The following CSPP1 variants were observed in gnomAD, a reference collection of about 807,000 sequenced individuals.
CSPP1 encodes centrosome and spindle pole associated protein 1.
In CSPP1, 126 loss-of-function variants were observed where a neutral mutation model predicts 164.4. The observed-to-expected ratio is 0.77, with a 90% CI of 0.66 to 0.89. The LOEUF (loss-of-function observed/expected upper bound fraction) is 0.89, where lower values mean the gene tolerates loss of function less well. Among genes scored for constraint, CSPP1 ranks in the 40% least tolerant of loss-of-function variants. The probability of loss-of-function intolerance (pLI) is 0.00; values close to 1 mark genes in which losing one functional copy is unlikely to be tolerated. For synonymous variants in CSPP1, 472 were observed against 476.7 expected, an observed-to-expected ratio of 0.99 and a Z score of 0.13; for missense variants, 1,395 against 1,449.8, an observed-to-expected ratio of 0.96 and a Z score of 0.61.
chr8:67,126,460 A>G (rs1820085310), intron 15 of CSPP1, among the ~76,000 whole-genome samples: 1 of 152,196 alleles, frequency 6.6e-6, no homozygotes, highest in Non-Finnish European at 1.5e-5. Context: ...AGTCTCTGTT[A>G]GGATAGCTTA....
rs370569030 is a variant in CSPP1, at chr8:67,064,399, A to G, written c.-150A>G. 2.5e-6 allele frequency: 4 copies of G among 1,613,278 alleles called. No individual in the cohort carries two copies. The highest frequency in any genetic ancestry group is 1.3e-5 in the African/African-American group (1 of 74,912). ...CGGAGCCCCGGCCCGGAGGTCTGTC[A>G]TGCTGTTCCCGCTCCAGGTGGCCGC... On this transcript the variant is annotated 5_prime_UTR_variant, in exon 1 of 31. It removes an upstream start codon present in the reference 5' UTR. Transcript: ENST00000678616.
Position 67,161,865 on chromosome 8 carries a change from A to C in CSPP1, c.2593A>C (p.Lys865Gln), listed in dbSNP as rs763987767. The change falls in exon 22 of 31, where the codon AAA becomes CAA. Residue 865 changes from lysine (K) to glutamine (Q), a missense_variant. By Grantham distance (53) the Lys-to-Gln change is moderately conservative. Coordinates refer to ENST00000678616, the MANE Select transcript of CSPP1 (RefSeq NM_001382391.1). ...VPALQNKIAS[K>Q]LQRPPSVDSI... ...TGCTCTTCAGAACAAAATTGCAAGC[A>C]AACTCCAAAGACCTCCTTCAGTTGA... The C allele has an allele frequency of 6.2e-7, 1 of 1,613,854 alleles. No individual in the cohort carries two copies. The highest frequency in any genetic ancestry group is 1.3e-5 in the African/African-American group (1 of 75,048).
At chr8:67,104,114 T>C (rs1410355575) in intron 8 of CSPP1, among the ~76,000 whole-genome samples, 3 of 152,154 alleles carry the variant, frequency 2.0e-5, no homozygotes, top group Non-Finnish European at 2.9e-5. Flanking sequence ...GTGAAGATAA[T>C]GTCATATGTC....
intron 9 of CSPP1, among the ~76,000 whole-genome samples, chr8:67,109,728 C>G (rs1006135877): frequency 6.6e-6 from 1 of 151,804 alleles, no homozygotes; most frequent in Non-Finnish European, 1.5e-5. Flanking sequence ...GTCCCATATC[C>G]GAGAAAATTA....
chr8:67,095,579 A>C lies in CSPP1; in HGVS notation c.770A>C (p.Asp257Ala). Reference protein sequence around the residue: ...QRFASKAGIPDRRFHRFNEDR... With the variant: ...QRFASKAGIPARRFHRFNEDR... ...TTTGCAAGCAAGGCTGGCATTCCAG[A>C]TAGAAGATTTCACAGATTTAATGAG... The change falls in exon 7 of 31, where the codon GAT becomes GCT. Residue 257 changes from aspartate (D) to alanine (A), a missense_variant. Physicochemically the swap from Asp to Ala is moderately radical, Grantham distance 126 (BLOSUM62 -2). Coordinates refer to ENST00000678616, the MANE Select transcript of CSPP1 (RefSeq NM_001382391.1). The C allele has an allele frequency of 1.2e-6, 2 of 1,614,018 alleles. No individual in the cohort carries two copies. Among genetic ancestry groups the C allele is most frequent in the Non-Finnish European group, 1.7e-6 (2 of 1,179,998 alleles).
chr8:67,108,871 C>A (rs965912977), intron 9 of CSPP1, among the ~76,000 whole-genome samples: 6 of 152,158 alleles, frequency 3.9e-5, no homozygotes, highest in Admixed American at 2.0e-4. Flanking sequence ...GATACTGGGT[C>A]CAAGCTGATT....
At chr8:67,153,464 A>C (rs923803018) in intron 18 of CSPP1, among the ~76,000 whole-genome samples, 13 of 152,238 alleles carry the variant, frequency 8.5e-5, no homozygotes, top group African/African-American at 2.2e-4. Context: ...TTAAGTTGAG[A>C]GTTTTAAAAA....
rs377423199 is a variant in CSPP1, at chr8:67,184,744, T to TATAATAATAATAATAATAATAATA, written c.3220+4820_3220+4843dup. Among the ~76,000 whole-genome samples the TATAATAATAATAATAATAATAATA allele has an allele frequency of 6.3e-3, 895 of 142,488 alleles. 8 individuals are homozygous for TATAATAATAATAATAATAATAATA. The highest frequency in any genetic ancestry group is 0.022 in the African/African-American group (841 of 38,056). 93.5% of individuals were successfully genotyped at this position (142,488 alleles called of 152,430 possible). A position where few individuals can be genotyped will look rare whatever the true frequency, so the allele number is the denominator to read the frequency against. On this transcript the variant is annotated intron_variant, in intron 28 of 30. Coordinates refer to ENST00000678616, the MANE Select transcript of CSPP1 (RefSeq NM_001382391.1). ...GTCTAAAAAAATAATAATAAAAAAA[T>TATAATAATAATAATAATAATAATA]ATAATAATAATAATAATAATAATAA...
chr8:67,144,838 G>A (rs1824180299), intron 17 of CSPP1, among the ~76,000 whole-genome samples: 1 of 151,886 alleles, frequency 6.6e-6, no homozygotes, highest in Non-Finnish European at 1.5e-5. Context: ...GGAGGCTGAG[G>A]CAGGTGGATC....
At chr8:67,099,953 A>G (rs1346490388) in intron 7 of CSPP1, among the ~76,000 whole-genome samples, 3 of 152,146 alleles carry the variant, frequency 2.0e-5, no homozygotes, top group South Asian at 4.1e-4. Flanking sequence ...CTGTATTTGT[A>G]AACAGTAATT....
At chr8:67,104,964 ATATTTTTTTT>A (rs1815118059) in intron 8 of CSPP1, among the ~76,000 whole-genome samples, 1 of 81,424 alleles carries the variant, frequency 1.2e-5, no homozygotes, top group Admixed American at 1.5e-4. Flanking sequence ...ATATATATAT[ATATTTTTTTT>A]TTTTTTTTTT....
chr8:67,115,331 T>C (rs13253462), intron 12 of CSPP1: 1 of 152,390 alleles, frequency 6.6e-6, no homozygotes, highest in Non-Finnish European at 1.5e-5. Context: ...AGACCTTAGG[T>C]GATATATTAC....
intron 15 of CSPP1, among the ~76,000 whole-genome samples, chr8:67,130,302 G>C (rs1820957227): frequency 1.3e-5 from 2 of 152,192 alleles, no homozygotes; most frequent in Admixed American, 1.3e-4. Context: ...GGAGTTGATA[G>C]GTAAAGGTTA....
At chr8:67,115,693 A>AAGAT (rs1243365015) in intron 12 of CSPP1, among the ~76,000 whole-genome samples, 2 of 152,070 alleles carry the variant, frequency 1.3e-5, no homozygotes, top group African/African-American at 2.4e-5. Flanking sequence ...ATAAATAAAT[A>AAGAT]AGATAGATAG....
chr8:67,168,323 AGAGGGGGAGGGG>A (rs926856210), intron 24 of CSPP1, among the ~76,000 whole-genome samples: 1 of 82,024 alleles, frequency 1.2e-5, no homozygotes, highest in African/African-American at 4.8e-5. Context: ...GGGAGACGGG[AGAGGGGGAGGGG>A]GAGGGGGAGA....
chr8:67,128,787 G>A (rs988100403), intron 15 of CSPP1, among the ~76,000 whole-genome samples: 18 of 152,078 alleles, frequency 1.2e-4, no homozygotes, highest in South Asian at 4.1e-4. Context: ...AATTACTCTC[G>A]AATATAGGAT....
Position 67,113,827 on chromosome 8 carries a change from G to A in CSPP1, c.1210G>A (p.Val404Ile), listed in dbSNP as rs1817374230. ...KRREKDLELR[V>I]AASGAQDPEK... ...TAGAGAAAAAGATTTAGAACTCAGG[G>A]TTGCAGCGTCTGGAGCACAAGACCC... Residue 404 changes from valine (V) to isoleucine (I), a missense_variant, in exon 11 of 31, where the codon GTT (valine) becomes ATT (isoleucine). Coordinates refer to ENST00000678616, the MANE Select transcript of CSPP1 (RefSeq NM_001382391.1). 1.3e-6 allele frequency: 2 copies of A among 1,588,928 alleles called. No homozygotes were observed. The highest frequency in any genetic ancestry group is 1.7e-6 in the Non-Finnish European group (2 of 1,162,622).
chr8:67,139,851 G>A (rs1367103023), intron 17 of CSPP1, among the ~76,000 whole-genome samples: 1 of 152,172 alleles, frequency 6.6e-6, no homozygotes, highest in Non-Finnish European at 1.5e-5. Context: ...TGTGGGGTGA[G>A]GGGAGCGGGG....
chr8:67,193,053 A>G (rs745375722), intron 29 of CSPP1, among the ~76,000 whole-genome samples: 6 of 152,196 alleles, frequency 3.9e-5, no homozygotes, highest in Admixed American at 1.3e-4. Flanking sequence ...TACGTGCTCT[A>G]TATTTTCATG....
Sources: gnomAD v4.1 joint callset for allele counts (sites outside exome capture counted in the v4.1 genomes callset) on GRCh38, gnomAD v4.1.1 for gene constraint, MANE v1.5 for transcripts, NCBI Gene and HGNC (gene_info 2026-07-23, HGNC 2026-07-21) for gene names.